The following GABRB1 variants were observed in gnomAD, a reference collection of about 807,000 sequenced individuals.
GABRB1 encodes the protein gamma-aminobutyric acid receptor subunit beta-1.
GABRB1 carries 17 observed loss-of-function variants against 51.6 expected under a neutral mutation model. The ratio of observed to expected loss-of-function variants is 0.33; its 90% CI spans 0.23 to 0.49. GABRB1 has a LOEUF of 0.49. Ranked by LOEUF, GABRB1 falls within the 20% of genes least tolerant of loss-of-function variation. The pLI is 0.99. For synonymous variants in GABRB1, 247 were observed against 218.9 expected, an observed-to-expected ratio of 1.13 and a Z score of -1.14; for missense variants, 410 against 600.6, an observed-to-expected ratio of 0.68 and a Z score of 3.32.
At chr4:47,195,203 A>G (rs1719598438) in intron 4 of GABRB1, among the ~76,000 whole-genome samples, 2 of 152,090 alleles carry the variant, frequency 1.3e-5, no homozygotes, top group South Asian at 4.1e-4. Context: ...CGTCTCTACT[A>G]AAAATACGAA....
intron 3 of GABRB1, among the ~76,000 whole-genome samples, chr4:47,051,453 A>G (rs1307722132): frequency 6.6e-6 from 1 of 152,218 alleles, no homozygotes; most frequent in Non-Finnish European, 1.5e-5. Flanking sequence ...CTCAGTGTTG[A>G]GTAACAGAAG....
At chr4:47,061,715 T>A (rs927480073) in intron 3 of GABRB1, among the ~76,000 whole-genome samples, 10 of 152,212 alleles carry the variant, frequency 6.6e-5, no homozygotes, top group Non-Finnish European at 1.5e-4. Flanking sequence ...ACGTCTCGTC[T>A]TCAAAGTAAT....
chr4:47,381,584 C>T (rs755561196), intron 5 of GABRB1, among the ~76,000 whole-genome samples: 34 of 152,218 alleles, frequency 2.2e-4, no homozygotes, highest in Non-Finnish European at 3.8e-4. Context: ...TTCTCCCAAA[C>T]AGTGGAATGA....
At chr4:47,391,170 C>A (rs746538572) in intron 5 of GABRB1, among the ~76,000 whole-genome samples, 6 of 151,780 alleles carry the variant, frequency 4.0e-5, no homozygotes, top group Non-Finnish European at 8.8e-5. Context: ...AGCAAGACTC[C>A]GTCTCAAAGA....
At chr4:47,126,047 T>C (rs958563434) in intron 3 of GABRB1, among the ~76,000 whole-genome samples, 1 of 151,714 alleles carries the variant, frequency 6.6e-6, no homozygotes, top group African/African-American at 2.4e-5. Context: ...TATATGTATG[T>C]GTATTGCATT....
chr4:47,349,087 A>G (rs1026844473), intron 5 of GABRB1, among the ~76,000 whole-genome samples: 1 of 152,178 alleles, frequency 6.6e-6, no homozygotes, highest in Admixed American at 6.5e-5. Context: ...AAGGTGAAGA[A>G]GAGGTCATAA....
chr4:47,187,817 CTT>C (rs1247717654), intron 4 of GABRB1, among the ~76,000 whole-genome samples: 2 of 151,882 alleles, frequency 1.3e-5, no homozygotes, highest in African/African-American at 4.8e-5. Flanking sequence ...GTCATAAAGA[CTT>C]TGTTGTTCAT....
At chr4:47,405,296 A>T (rs1172461604) in intron 7 of GABRB1, among the ~76,000 whole-genome samples, 1 of 152,192 alleles carries the variant, frequency 6.6e-6, no homozygotes, top group African/African-American at 2.4e-5. Flanking sequence ...CTAAAAGTTG[A>T]ATAGTCAAAT....
chr4:47,263,326 G>T (rs925099523), intron 4 of GABRB1, among the ~76,000 whole-genome samples: 1 of 152,024 alleles, frequency 6.6e-6, no homozygotes, highest in African/African-American at 2.4e-5. Context: ...GGATTACCTT[G>T]AACTCTTAAA....
chr4:47,408,635 C>T (rs910050008), intron 8 of GABRB1, among the ~76,000 whole-genome samples: 4 of 152,134 alleles, frequency 2.6e-5, no homozygotes, highest in African/African-American at 2.4e-5. Flanking sequence ...GAATATTATA[C>T]TCATATGAGG....
At position 47,155,916 on chromosome 4, in the gene GABRB1, C is replaced by CATATATAT. The variant is rs10525795; in HGVS notation, c.241-5310_241-5303dup. Among the ~76,000 whole-genome samples, 456 of 73,558 alleles carry CATATATAT rather than the reference C, an allele frequency of 6.2e-3. 37 individuals are homozygous for CATATATAT. Among genetic ancestry groups the CATATATAT allele is most frequent in the Admixed American group, 0.016 (75 of 4,702 alleles). The allele number at this position is 73,558 out of a possible 152,430, so 48.3% of individuals were successfully genotyped here. ...TACTCATACTAAAAAGAGGTATTTT[C>CATATATAT]ATATATATATATATATATATATATA... is the stretch of plus-strand genomic sequence containing the variant. On this transcript the variant is annotated intron_variant, in intron 3 of 8. Transcript: ENST00000295454.
chr4:47,018,677 C>T (rs1040160084), intron 1 of GABRB1, among the ~76,000 whole-genome samples: 5 of 151,912 alleles, frequency 3.3e-5, no homozygotes, highest in Non-Finnish European at 7.4e-5. Context: ...CATTCTTACA[C>T]TAAAATAAGC....
At chr4:47,058,196 C>T (rs1726700416) in intron 3 of GABRB1, among the ~76,000 whole-genome samples, 1 of 152,122 alleles carries the variant, frequency 6.6e-6, no homozygotes, top group Non-Finnish European at 1.5e-5. Context: ...ATTTAGAGAA[C>T]AAAGCATTCA....
rs543616863 is a variant in GABRB1, at chr4:47,420,287, G to T, written c.1081-5387G>T. On this transcript the variant is annotated intron_variant, in intron 8 of 8. Coordinates refer to ENST00000295454, the MANE Select transcript of GABRB1 (RefSeq NM_000812.4). ...AAATATACCTACCACATAGGTCAGTGGGGAGCAGTGAGAGGGGAGAAGGAG... is the reference window on the plus strand; with the variant it reads ...AAATATACCTACCACATAGGTCAGTTGGGAGCAGTGAGAGGGGAGAAGGAG... Among the ~76,000 whole-genome samples, 476 of 152,278 alleles carry T rather than the reference G, an allele frequency of 3.1e-3. 1 individual carries two copies. The highest frequency in any genetic ancestry group is 5.1e-3 in the Non-Finnish European group (348 of 68,026).
chr4:46,997,614 A>G (rs1342347809), intron 1 of GABRB1, among the ~76,000 whole-genome samples: 1 of 151,810 alleles, frequency 6.6e-6, no homozygotes, highest in East Asian at 1.9e-4. Flanking sequence ...TTTCTGTGCT[A>G]TCTGTGTCTG....
rs537440380 is a variant in GABRB1 at position 47,176,748 on chromosome 4, T to C, written c.461+15279T>C. Among the ~76,000 whole-genome samples, 7 of 152,124 alleles carry C rather than the reference T, an allele frequency of 4.6e-5. No individual in the cohort carries two copies. The South Asian group carries it at 1.5e-3, about 32-fold the overall frequency. ...TAGAGTTAGGAAGAAAAGGCAGAAT[T>C]AACAAAAGGAGCCAAAAATGGAAGC... On this transcript the variant is annotated intron_variant, in intron 4 of 8. Transcript: ENST00000295454.
At chr4:47,360,136 A>G (rs183172622) in intron 5 of GABRB1, among the ~76,000 whole-genome samples, 5 of 151,906 alleles carry the variant, frequency 3.3e-5, no homozygotes, top group African/African-American at 1.2e-4. Flanking sequence ...AAAAAAAGAT[A>G]AACAGACCCA....
chr4:47,207,339 T>C (rs1470916655), intron 4 of GABRB1, among the ~76,000 whole-genome samples: 1 of 152,020 alleles, frequency 6.6e-6, no homozygotes, highest in Non-Finnish European at 1.5e-5. Context: ...GCTTAGGTGA[T>C]CAGAAAACTA....
At chr4:47,034,312 C>A (rs774050090) in intron 3 of GABRB1, among the ~76,000 whole-genome samples, 2 of 151,916 alleles carry the variant, frequency 1.3e-5, no homozygotes, top group Non-Finnish European at 2.9e-5. Flanking sequence ...AATCAACAAC[C>A]ACCGTAACAA....
Sources: gnomAD v4.1 joint callset for allele counts (sites outside exome capture counted in the v4.1 genomes callset) on GRCh38, gnomAD v4.1.1 for gene constraint, MANE v1.5 for transcripts, NCBI Gene and HGNC (gene_info 2026-07-23, HGNC 2026-07-21) for gene names.